PDGFC: variants seen among roughly 807,000 people sequenced by gnomAD.
PDGFC encodes platelet derived growth factor C, also known as platelet-derived growth factor C.
PDGFC carries 12 observed loss-of-function variants against 35.5 expected under a neutral mutation model. That is an observed-to-expected ratio of 0.34 (90% confidence interval 0.22 to 0.55). The LOEUF is 0.55. PDGFC is among the 20% of genes least tolerant of loss of function. PDGFC has a pLI of 0.91. For synonymous variants in PDGFC, 159 were observed against 148.8 expected (o/e 1.07, Z -0.50); for missense variants, 322 against 412.4 (o/e 0.78, Z 1.90).
At chr4:156,851,432 C>CG (rs769447637) in intron 1 of PDGFC, among the ~76,000 whole-genome samples, 1 of 152,110 alleles carries the variant, frequency 6.6e-6, no homozygotes, top group Non-Finnish European at 1.5e-5. Context: ...CTAAAATATA[C>CG]TGTTAATAAT....
Position 156,903,104 on chromosome 4 carries a change from A to AGT in PDGFC, c.119-52690_119-52689dup, listed in dbSNP as rs10684023. ...AGGACAAAGAGAGAGAGAGAGAGAG[A>AGT]GTGTGTGTGTGTGTGTGTGTGTGTG... On this transcript the variant is annotated intron_variant, in intron 1 of 5. Transcript: ENST00000502773. 8.6e-3 allele frequency among the ~76,000 whole-genome samples: 1,128 copies of AGT among 130,710 alleles called. 33 individuals carry two copies. The East Asian group carries it at 0.12, about 13-fold the overall frequency. The allele number at this position is 130,710 out of a possible 152,430, so 85.8% of individuals were successfully genotyped here.
chr4:156,846,789 A>C (rs1729336642), intron 2 of PDGFC, among the ~76,000 whole-genome samples: 1 of 151,734 alleles, frequency 6.6e-6, no homozygotes, highest in African/African-American at 2.4e-5. Context: ...AGAATAATAA[A>C]GATATTTTCC....
intron 1 of PDGFC, among the ~76,000 whole-genome samples, chr4:156,968,127 C>A (rs1165607285): frequency 6.6e-6 from 1 of 152,114 alleles, no homozygotes; most frequent in East Asian, 1.9e-4. Flanking sequence ...AATCAATTTC[C>A]AATTCTACCT....
At chr4:156,858,912 A>G (rs937330686) in intron 1 of PDGFC, among the ~76,000 whole-genome samples, 1 of 152,110 alleles carries the variant, frequency 6.6e-6, no homozygotes, top group Non-Finnish European at 1.5e-5. Flanking sequence ...TTCAGAGCAG[A>G]ATTTACAAGC....
rs192444782 is a variant in PDGFC at position 156,938,293 on chromosome 4, C to A, written c.118+32493G>T. Among the ~76,000 whole-genome samples the A allele has an allele frequency of 9.9e-5, 15 of 151,954 alleles. No homozygotes were observed. The East Asian group carries it at 2.9e-3, about 29-fold the overall frequency. Reference sequence around the variant, plus strand: ...TTCACTGTAGAGCAGATCCTAAGCGCTAAATAAAAAAATCCTAGAATCCAA... The same window carrying A: ...TTCACTGTAGAGCAGATCCTAAGCGATAAATAAAAAAATCCTAGAATCCAA... On this transcript the variant is annotated intron_variant, in intron 1 of 5. Coordinates refer to ENST00000502773, the MANE Select transcript of PDGFC (RefSeq NM_016205.3).
At chr4:156,907,260 T>C (rs968779290) in intron 1 of PDGFC, among the ~76,000 whole-genome samples, 1 of 152,186 alleles carries the variant, frequency 6.6e-6, no homozygotes, top group Non-Finnish European at 1.5e-5. Flanking sequence ...CCACTGTTTT[T>C]ATACATGTTG....
chr4:156,936,898 C>T (rs938155532), intron 1 of PDGFC, among the ~76,000 whole-genome samples: 14 of 152,024 alleles, frequency 9.2e-5, no homozygotes, highest in East Asian at 5.8e-4. Context: ...AAAATAGGAA[C>T]GAAGAAGAGG....
intron 2 of PDGFC, among the ~76,000 whole-genome samples, chr4:156,842,755 A>C (rs1729235474): frequency 6.6e-6 from 1 of 152,134 alleles, no homozygotes; most frequent in Non-Finnish European, 1.5e-5. Flanking sequence ...CTCTATCTCC[A>C]GTCTAACACT....
In PDGFC at chr4:156,838,367, C is replaced by T. The variant is rs558898046; in HGVS notation, c.314+11854G>A. On this transcript the variant is annotated intron_variant, in intron 2 of 5. Coordinates refer to ENST00000502773, the MANE Select transcript of PDGFC (RefSeq NM_016205.3). The stretch of plus-strand genomic sequence containing the variant: ...ATCAGAGGAACACATATTCCTAGTT[C>T]CTGCTATGGCAATTGGCTCACATAT... 3.9e-5 allele frequency among the ~76,000 whole-genome samples: 6 copies of T among 152,354 alleles called. No homozygotes were observed. The South Asian group carries it at 1.0e-3, about 26-fold the overall frequency.
chr4:156,833,658 T>C (rs1263291959), intron 2 of PDGFC, among the ~76,000 whole-genome samples: 1 of 152,228 alleles, frequency 6.6e-6, no homozygotes, highest in Non-Finnish European at 1.5e-5. Flanking sequence ...TAGCAAATAA[T>C]TTAACAGCTA....
In PDGFC at chr4:156,962,348, T is replaced by C. The variant is rs143133538; in HGVS notation, c.118+8438A>G. On this transcript the variant is annotated intron_variant, in intron 1 of 5. Transcript: ENST00000502773. Reference sequence around the variant, plus strand: ...CCTCTCAGACCCGCTTCAAAACACATCACCTCCTCTGTGGGAACTTTTCTC... The same window carrying C: ...CCTCTCAGACCCGCTTCAAAACACACCACCTCCTCTGTGGGAACTTTTCTC... 1.4e-3 allele frequency among the ~76,000 whole-genome samples: 218 copies of C among 152,212 alleles called. 1 individual carries two copies. Among genetic ancestry groups the C allele is most frequent in the African/African-American group, 4.8e-3 (201 of 41,540 alleles).
At position 156,931,562 on chromosome 4, in the gene PDGFC, T is replaced by C. The variant is rs75935542; in HGVS notation, c.118+39224A>G. On this transcript the variant is annotated intron_variant, in intron 1 of 5. Transcript: ENST00000502773. ...AGTAATCTTCAAGAGCATCACACCT[T>C]AACTGTTTATTAGAGCTGGGACAAC... Among the ~76,000 whole-genome samples, 1,463 of 152,254 alleles carry C rather than the reference T, an allele frequency of 9.6e-3. 29 individuals are homozygous for C. The highest frequency in any genetic ancestry group is 0.095 in the East Asian group (492 of 5,172).
chr4:156,869,496 C>T (rs997403660), intron 1 of PDGFC, among the ~76,000 whole-genome samples: 11 of 152,024 alleles, frequency 7.2e-5, no homozygotes, highest in African/African-American at 2.7e-4. Context: ...GTTGTTTTTG[C>T]AATTGTCTTC....
chr4:156,830,680 A>G (rs1728910893), intron 2 of PDGFC, among the ~76,000 whole-genome samples: 1 of 152,238 alleles, frequency 6.6e-6, no homozygotes, highest in African/African-American at 2.4e-5. Context: ...CCAAGCACAT[A>G]CGGTGGTACA....
At position 156,971,061 on chromosome 4, in the gene PDGFC, T is replaced by A. The variant is rs896921078; in HGVS notation, c.-158A>T. The A allele has an allele frequency of 1.7e-5, 10 of 590,548 alleles. No individual in the cohort carries two copies. In the African/African-American group the frequency reaches 1.9e-4, roughly 11 times the overall value. 36.6% of individuals were successfully genotyped at this position (590,548 alleles called of 1,614,324 possible). Reference sequence around the variant, plus strand: ...GCAGGGTAGTTTCCACATAATCCCATCCAAAACTTTTTCCTAGAGCCCTCT... The same window carrying A: ...GCAGGGTAGTTTCCACATAATCCCAACCAAAACTTTTTCCTAGAGCCCTCT... On this transcript the variant is annotated 5_prime_UTR_variant, in exon 1 of 6. An upstream start codon of the reference 5' UTR is lost. Transcript: ENST00000502773.
chr4:156,944,610 G>A (rs938973906), intron 1 of PDGFC, among the ~76,000 whole-genome samples: 8 of 152,122 alleles, frequency 5.3e-5, no homozygotes, highest in African/African-American at 1.9e-4. Flanking sequence ...TGCATGTGAA[G>A]ACAAAAATGC....
In PDGFC at chr4:156,923,739, G is replaced by A. The variant is rs1212017255; in HGVS notation, c.118+47047C>T. ...CAACAGGTAAACTCACACACCAAGA[G>A]ACAAAAGATCATATCAGTGAGAAAA... On this transcript the variant is annotated intron_variant, in intron 1 of 5. Transcript: ENST00000502773. Among the ~76,000 whole-genome samples the A allele has an allele frequency of 1.3e-5, 2 of 151,762 alleles. 1 individual carries two copies. The highest frequency in any genetic ancestry group is 1.3e-4 in the Admixed American group (2 of 15,236).
chr4:156,909,061 G>C (rs1033304339), intron 1 of PDGFC, among the ~76,000 whole-genome samples: 1 of 152,152 alleles, frequency 6.6e-6, no homozygotes, highest in Non-Finnish European at 1.5e-5. Context: ...TATTTGCTTA[G>C]AGAATAAGGC....
At chr4:156,936,492 C>A (rs1306267617) in intron 1 of PDGFC, among the ~76,000 whole-genome samples, 1 of 152,196 alleles carries the variant, frequency 6.6e-6, no homozygotes, top group Non-Finnish European at 1.5e-5. Flanking sequence ...TTTACCCTTT[C>A]TCTGGAACCT....
Sources: allele counts gnomAD v4.1 joint callset (sites outside exome capture counted in the v4.1 genomes callset), GRCh38; gene constraint gnomAD v4.1.1; transcripts MANE v1.5; gene names NCBI Gene and HGNC (gene_info 2026-07-23, HGNC 2026-07-21).